DCHS2: variants seen among roughly 807,000 people sequenced by gnomAD.
DCHS2 encodes protocadherin-23.
DCHS2 carries 142 observed loss-of-function variants against 182.4 expected under a neutral mutation model. The ratio of observed to expected loss-of-function variants is 0.78; its 90% CI spans 0.68 to 0.89. The LOEUF (loss-of-function observed/expected upper bound fraction) is 0.89, where lower values mean the gene tolerates loss of function less well. Ranked by LOEUF, DCHS2 falls within the 40% of genes least tolerant of loss-of-function variation. The probability of loss-of-function intolerance (pLI) is 0.00; values close to 1 mark genes in which losing one functional copy is unlikely to be tolerated. For missense variants in DCHS2, 4,319 were observed against 4,198.6 expected, an observed-to-expected ratio of 1.03 and a Z score of -0.79; for synonymous variants, 1,740 against 1,663.3, an observed-to-expected ratio of 1.05 and a Z score of -1.12.
intron 2 of DCHS2, among the ~76,000 whole-genome samples, chr4:154,367,197 C>G (rs1730423383): frequency 6.6e-6 from 1 of 152,206 alleles, no homozygotes; most frequent in Non-Finnish European, 1.5e-5. Flanking sequence ...GGACATGGTT[C>G]TTCCTCACAG....
At chr4:154,356,056 C>G (rs1239283973) in intron 3 of DCHS2, among the ~76,000 whole-genome samples, 1 of 151,994 alleles carries the variant, frequency 6.6e-6, no homozygotes, top group Non-Finnish European at 1.5e-5. Context: ...TTTCAGAATG[C>G]ATTGCTATCA....
chr4:154,329,400 T>C, intron 6 of DCHS2, 123 bp downstream of exon 6: 3 of 1,005,164 alleles, frequency 3.0e-6, no homozygotes, highest in South Asian at 1.7e-5. Flanking sequence ...CTAGGTCTTC[T>C]AGAAAAAGTA....
intron 16 of DCHS2, among the ~76,000 whole-genome samples, chr4:154,252,025 T>C (rs994100303): frequency 6.6e-6 from 1 of 152,236 alleles, no homozygotes; most frequent in Non-Finnish European, 1.5e-5. Flanking sequence ...TACATTCATA[T>C]TTAGTAGAAT....
chr4:154,357,273 TC>T, intron 3 of DCHS2: 1 of 1,613,674 alleles, frequency 6.2e-7, no homozygotes, highest in Non-Finnish European at 8.5e-7. Context: ...TACTTCCTTG[TC>T]TGCTGAAAAG....
chr4:154,481,493 G>A (rs1735918738), intron 1 of DCHS2, among the ~76,000 whole-genome samples: 1 of 152,100 alleles, frequency 6.6e-6, no homozygotes, highest in African/African-American at 2.4e-5. Context: ...CTGGGCTCAA[G>A]CTGTCCATCC....
At chr4:154,313,087 A>C (rs1735727514) in intron 10 of DCHS2, among the ~76,000 whole-genome samples, 1 of 152,192 alleles carries the variant, frequency 6.6e-6, no homozygotes, top group Non-Finnish European at 1.5e-5. Context: ...ACATCCACTA[A>C]TGAATTCTAT....
chr4:154,364,074 G>A (rs986621076), intron 3 of DCHS2, among the ~76,000 whole-genome samples: 6 of 152,108 alleles, frequency 3.9e-5, no homozygotes, highest in Non-Finnish European at 5.9e-5. Context: ...TATCAAAACC[G>A]CCAACAATAA....
At chr4:154,440,453 C>T (rs1733958751) in intron 1 of DCHS2, among the ~76,000 whole-genome samples, 1 of 130,776 alleles carries the variant, frequency 7.6e-6, no homozygotes, top group Non-Finnish European at 1.7e-5. Context: ...AATTATTGTC[C>T]CTCAAAAGAG....
chr4:154,417,079 CT>C (rs1057118862), intron 1 of DCHS2, among the ~76,000 whole-genome samples: 7 of 151,972 alleles, frequency 4.6e-5, no homozygotes, highest in African/African-American at 1.7e-4. Flanking sequence ...GGGTCGCCCT[CT>C]GTGAGAAGCC....
chr4:154,344,636 C>T (rs1415119249), intron 3 of DCHS2, among the ~76,000 whole-genome samples: 1 of 152,192 alleles, frequency 6.6e-6, no homozygotes, highest in Admixed American at 6.5e-5. Context: ...CTGCAACCTT[C>T]TCTAGGGTTG....
At chr4:154,386,830 T>C (rs553488027) in intron 1 of DCHS2, among the ~76,000 whole-genome samples, 2 of 152,344 alleles carry the variant, frequency 1.3e-5, no homozygotes, top group Admixed American at 6.5e-5. Context: ...AAGAACAAGA[T>C]GGTTCGTGAC....
At chr4:154,288,461 T>C (rs755073076) in intron 13 of DCHS2, among the ~76,000 whole-genome samples, 4 of 152,122 alleles carry the variant, frequency 2.6e-5, no homozygotes, top group Non-Finnish European at 4.4e-5. Context: ...CCCAGTACAA[T>C]AATAGCTGAA....
chr4:154,375,055 G>T (rs13111929), intron 2 of DCHS2, among the ~76,000 whole-genome samples: 1 of 151,780 alleles, frequency 6.6e-6, no homozygotes, highest in Admixed American at 6.6e-5. Flanking sequence ...AGCTAAAATA[G>T]TTAAGAGAGA....
chr4:154,384,903 T>C (rs1434141322), intron 1 of DCHS2, among the ~76,000 whole-genome samples: 1 of 151,214 alleles, frequency 6.6e-6, no homozygotes, highest in Non-Finnish European at 1.5e-5. Context: ...TTTTTTTTAA[T>C]ATGGAAATGT....
intron 1 of DCHS2, among the ~76,000 whole-genome samples, chr4:154,390,924 C>CA (rs762652182): frequency 7.9e-5 from 12 of 152,022 alleles, no homozygotes; most frequent in Non-Finnish European, 1.3e-4. Context: ...TTTATTTATC[C>CA]AAAAATGAAT....
At chr4:154,386,938 T>C (rs935372193) in intron 1 of DCHS2, among the ~76,000 whole-genome samples, 1 of 152,156 alleles carries the variant, frequency 6.6e-6, no homozygotes, top group Admixed American at 6.5e-5. Context: ...TAATACTTTT[T>C]CAAAGCCACT....
chr4:154,429,049 A>G lies in DCHS2; in HGVS notation c.2053-51605T>C, dbSNP rs557034014. ...AATATTTGATAATGGTTATAAACACACAAAGAAATCTTCAAAAGCAAGAGT... is the reference window on the plus strand; with the variant it reads ...AATATTTGATAATGGTTATAAACACGCAAAGAAATCTTCAAAAGCAAGAGT... On this transcript the variant is annotated intron_variant, in intron 1 of 19. Transcript: ENST00000357232. Among the ~76,000 whole-genome samples the G allele has an allele frequency of 1.6e-4, 24 of 152,348 alleles. No homozygotes were observed. In the South Asian group the frequency reaches 5.0e-3, roughly 32 times the overall value.
chr4:154,249,517 C>T (rs1732246885), intron 16 of DCHS2, among the ~76,000 whole-genome samples: 1 of 152,082 alleles, frequency 6.6e-6, no homozygotes, highest in Non-Finnish European at 1.5e-5. Flanking sequence ...TTGGAGATTT[C>T]TCAAAGAACT....
At chr4:154,343,780 T>C (rs919837013) in intron 3 of DCHS2, 2 of 950,304 alleles carry the variant, frequency 2.1e-6, no homozygotes, top group African/African-American at 3.4e-5. Flanking sequence ...TCTTATCATT[T>C]TTCTGTTCAC....
Sources: allele counts gnomAD v4.1 joint callset (sites outside exome capture counted in the v4.1 genomes callset), GRCh38; gene constraint gnomAD v4.1.1; transcripts MANE v1.5; gene names NCBI Gene and HGNC (gene_info 2026-07-23, HGNC 2026-07-21).